The following PTX3 variants were observed in gnomAD, a reference collection of about 807,000 sequenced individuals.
PTX3 encodes pentraxin 3.
PTX3 carries 24 observed loss-of-function variants against 23.5 expected under a neutral mutation model. The observed-to-expected ratio is 1.02, with a 90% CI of 0.74 to 1.43. The LOEUF is 1.43. Among genes scored for constraint, PTX3 ranks in the 40% most tolerant of loss-of-function variants. The probability of loss-of-function intolerance (pLI) is 0.00; values close to 1 mark genes in which losing one functional copy is unlikely to be tolerated. For missense variants in PTX3, 510 were observed against 497.5 expected, an observed-to-expected ratio of 1.02 and a Z score of -0.24; for synonymous variants, 218 against 205.4, an observed-to-expected ratio of 1.06 and a Z score of -0.53.
At chr3:157,437,980 A>G in intron 2 of PTX3, 66 bp downstream of exon 2, 2 of 1,495,714 alleles carry the variant, frequency 1.3e-6, no homozygotes, top group Non-Finnish European at 1.8e-6. Context: ...CGTAACGGCA[A>G]GCCAAGCCAG....
At chr3:157,442,265 T>G in intron 2 of PTX3, 101 bp from the exon 3 acceptor site, 1 of 1,104,120 alleles carries the variant, frequency 9.1e-7, no homozygotes, top group Non-Finnish European at 1.3e-6. Flanking sequence ...TAGCTTTCAA[T>G]TGTAATAATT....
chr3:157,438,033 G>C, intron 2 of PTX3, 119 bp downstream of exon 2: 6 of 793,750 alleles, frequency 7.6e-6, no homozygotes, highest in Non-Finnish European at 1.1e-5. Context: ...GCGCGCGCGC[G>C]CGCGCACACA....
chr3:157,437,769 C>T lies in PTX3; in HGVS notation c.387C>T (p.Arg129=). The change falls in exon 2 of 3, where the codon CGC becomes CGT. Residue 129 remains arginine, a synonymous_variant. Coordinates refer to ENST00000295927, the MANE Select transcript of PTX3 (RefSeq NM_002852.4). ...ELLQATRDAG[R]RLARMEGAEA... ...TGCAGGCGACCCGCGACGCGGGCCG[C>T]AGGCTGGCGCGTATGGAGGGCGCGG... is the stretch of plus-strand genomic sequence containing the variant. The T allele has an allele frequency of 3.4e-6, 5 of 1,483,440 alleles. No homozygotes were observed. Among genetic ancestry groups the T allele is most frequent in the Non-Finnish European group, 4.4e-6 (5 of 1,127,552 alleles). The allele number at this position is 1,483,440 out of a possible 1,614,324, so 91.9% of individuals were successfully genotyped here. A position where few individuals can be genotyped will look rare whatever the true frequency, so the allele number is the denominator to read the frequency against.
rs1212757603 is a variant in PTX3, at chr3:157,443,621, G to T, written c.*642G>T. On this transcript the variant is annotated 3_prime_UTR_variant, in exon 3 of 3. Transcript: ENST00000295927. ...TCATTTAATTATAAATTTAAGAGAT[G>T]TTTTGGAGCAAACTCGTACTTTTCT... 1 of 152,406 alleles carries T rather than the reference G, an allele frequency of 6.6e-6. No individual in the cohort carries two copies. Among genetic ancestry groups the T allele is most frequent in the Non-Finnish European group, 1.5e-5 (1 of 68,024 alleles). 9.4% of individuals were successfully genotyped at this position (152,406 alleles called of 1,614,324 possible).
In PTX3 at chr3:157,436,958, T is replaced by C. The variant is rs1733633715; in HGVS notation, c.25T>C (p.Cys9Arg). 1 of 1,613,946 alleles carries C rather than the reference T, an allele frequency of 6.2e-7. No individual in the cohort carries two copies. Among genetic ancestry groups the C allele is most frequent in the Non-Finnish European group, 8.5e-7 (1 of 1,179,948 alleles). The change falls in exon 1 of 3, where the codon TGT (cysteine) becomes CGT (arginine). Residue 9 changes from cysteine to arginine, a missense_variant. Transcript: ENST00000295927. ...AATGCATCTCCTTGCGATTCTGTTT[T>C]GTGCTCTCTGGTCTGCAGTGTTGGC... MHLLAILFCALWSAVLAEN... is the reference protein window; with the variant it reads MHLLAILFRALWSAVLAEN...
chr3:157,438,086 T>G (rs1216951406), intron 2 of PTX3, among the ~76,000 whole-genome samples, 172 bp downstream of exon 2: 6 of 149,950 alleles, frequency 4.0e-5, no homozygotes. Context: ...TATTTCTGCA[T>G]GCGCGGTCAC....
chr3:157,437,842 G>T lies in PTX3; in HGVS notation c.460G>T (p.Glu154Ter). The T allele has an allele frequency of 6.7e-7, 1 of 1,496,454 alleles. No individual in the cohort carries two copies. Among genetic ancestry groups the T allele is most frequent in the South Asian group, 1.2e-5 (1 of 80,612 alleles). 92.7% of individuals were successfully genotyped at this position (1,496,454 alleles called of 1,614,324 possible). ...GGGGCGCGCCCTGGCCGCGGTGCTA[G>T]AGGAGCTGCGGCAGACGCGAGCCGA... ...EAGRALAAVL[E>*]ELRQTRADLH... Residue 154 changes from glutamate (E) to a stop codon, truncating the protein, a stop_gained, in exon 2 of 3, where the codon GAG becomes TAG. Coordinates refer to ENST00000295927, the MANE Select transcript of PTX3 (RefSeq NM_002852.4). LOFTEE classifies it high-confidence loss of function.
chr3:157,442,344 T>G, intron 2 of PTX3, 22 bp from the exon 3 acceptor site: 1 of 1,537,610 alleles, frequency 6.5e-7, no homozygotes, highest in Non-Finnish European at 8.9e-7. Flanking sequence ...TTAATATTCT[T>G]CTTATTTTCT....
chr3:157,441,461 T>C (rs761126508), intron 2 of PTX3, among the ~76,000 whole-genome samples: 9 of 152,144 alleles, frequency 5.9e-5, no homozygotes, highest in Non-Finnish European at 1.3e-4. Context: ...TCAAAGGTAG[T>C]TTTCTAAAAA....
chr3:157,440,291 A>G (rs534168258), intron 2 of PTX3, among the ~76,000 whole-genome samples: 3 of 152,350 alleles, frequency 2.0e-5, no homozygotes, highest in African/African-American at 7.2e-5. Flanking sequence ...AGTTACTTTT[A>G]TATGATTATC....
Position 157,437,442 on chromosome 3 carries a change from G to A in PTX3, c.131-71G>A. On this transcript the variant is annotated intron_variant, in intron 1 of 2. Transcript: ENST00000295927. The stretch of plus-strand genomic sequence containing the variant: ...CTGCAACTTGGCACCACCGAGGGAG[G>A]TCAGCTTTTACAAAGCACATCCAAG... 2.6e-6 allele frequency: 4 copies of A among 1,541,070 alleles called. No homozygotes were observed. In the South Asian group the frequency reaches 3.6e-5, roughly 14 times the overall value.
rs1340279030 is a variant in PTX3, at chr3:157,443,573, A to G, written c.*594A>G. On this transcript the variant is annotated 3_prime_UTR_variant, in exon 3 of 3. Transcript: ENST00000295927. ...TTTGTAAAGCTCTACTGTAAATAAAATATTTTATAAAACTAGCTCACGTCA... is the reference window on the plus strand; with the variant it reads ...TTTGTAAAGCTCTACTGTAAATAAAGTATTTTATAAAACTAGCTCACGTCA... 2 of 152,672 alleles carry G rather than the reference A, an allele frequency of 1.3e-5. No individual in the cohort carries two copies. The highest frequency in any genetic ancestry group is 2.4e-5 in the African/African-American group (1 of 41,476). 9.5% of individuals were successfully genotyped at this position (152,672 alleles called of 1,614,324 possible).
Position 157,436,913 on chromosome 3 carries a change from G to A in PTX3, c.-21G>A. The A allele has an allele frequency of 1.2e-6, 2 of 1,610,498 alleles. No individual in the cohort carries two copies. The highest frequency in any genetic ancestry group is 1.7e-6 in the Non-Finnish European group (2 of 1,177,788). ...AGTCTCCTCCCGCCAGCTGTGGAAA[G>A]AACTTTGCGTCTCTCCAGCAATGCA... On this transcript the variant is annotated 5_prime_UTR_variant, in exon 1 of 3. Coordinates refer to ENST00000295927, the MANE Select transcript of PTX3 (RefSeq NM_002852.4).
chr3:157,440,683 CAT>C (rs201474741), intron 2 of PTX3, among the ~76,000 whole-genome samples: 1 of 151,308 alleles, frequency 6.6e-6, no homozygotes, highest in Non-Finnish European at 1.5e-5. Flanking sequence ...CGTATACATA[CAT>C]ATATATATAT....
intron 1 of PTX3, 114 bp from the exon 2 acceptor site, chr3:157,437,399 G>A: frequency 7.8e-7 from 1 of 1,279,718 alleles, no homozygotes; most frequent in Non-Finnish European, 1.1e-6. Context: ...TAAAGGGAAG[G>A]GGAATGCCAG....
Position 157,443,386 on chromosome 3 carries a change from G to T in PTX3, c.*407G>T. 6.7e-6 allele frequency: 1 copy of T among 148,222 alleles called. No individual in the cohort carries two copies. The highest frequency in any genetic ancestry group is 1.4e-5 in the Non-Finnish European group (1 of 71,626). The allele number at this position is 148,222 out of a possible 1,614,324, so 9.2% of individuals were successfully genotyped here. On this transcript the variant is annotated 3_prime_UTR_variant, in exon 3 of 3. Transcript: ENST00000295927. ...TGTTGTCCATTGTTCATTGTTATTG[G>T]TATGTACCTTATTACAAAAAAAAGA... is the stretch of plus-strand genomic sequence containing the variant.
Position 157,442,658 on chromosome 3 carries a change from T to G in PTX3, c.825T>G (p.Asn275Lys), listed in dbSNP as rs1186234412. 1.9e-6 allele frequency: 3 copies of G among 1,614,220 alleles called. No individual in the cohort carries two copies. Among genetic ancestry groups the G allele is most frequent in the Non-Finnish European group, 2.5e-6 (3 of 1,180,042 alleles). ...GRWTHLCGTW[N>K]SEEGLTSLWV... is the part of the protein sequence containing the mutation. ...GGACCCACCTGTGCGGCACCTGGAA[T>G]TCAGAGGAAGGGCTCACATCCTTGT... Residue 275 changes from asparagine (N) to lysine (K), a missense_variant, in exon 3 of 3, where the codon AAT (asparagine) becomes AAG (lysine). Coordinates refer to ENST00000295927, the MANE Select transcript of PTX3 (RefSeq NM_002852.4).
At position 157,436,884 on chromosome 3, in the gene PTX3, TGA is replaced by T. The variant is rs756878566; in HGVS notation, c.-46_-45del. Reference sequence around the variant, plus strand: ...CTCCTCCGCTCAAACTCAGCTCACTTGAGAGTCTCCTCCCGCCAGCTGTGGAA... The same window carrying T: ...CTCCTCCGCTCAAACTCAGCTCACTTGAGTCTCCTCCCGCCAGCTGTGGAA... On this transcript the variant is annotated 5_prime_UTR_variant, in exon 1 of 3. Coordinates refer to ENST00000295927, the MANE Select transcript of PTX3 (RefSeq NM_002852.4). 1.8e-5 allele frequency: 28 copies of T among 1,595,260 alleles called. No individual in the cohort carries two copies. Among genetic ancestry groups the T allele is most frequent in the Non-Finnish European group, 2.3e-5 (27 of 1,168,088 alleles).
rs1373413001 is a variant in PTX3 at position 157,437,852 on chromosome 3, G to C, written c.470G>C (p.Arg157Pro). The part of the protein sequence containing the change: ...RALAAVLEEL[R>P]QTRADLHAVQ... The stretch of plus-strand genomic sequence containing the variant: ...CTGGCCGCGGTGCTAGAGGAGCTGC[G>C]GCAGACGCGAGCCGACCTGCACGCG... The change falls in exon 2 of 3, where the codon CGG becomes CCG. Residue 157 changes from arginine (R) to proline (P), a missense_variant. By Grantham distance (103) the Arg-to-Pro change is moderately radical (BLOSUM62 -2). Transcript: ENST00000295927. The C allele has an allele frequency of 2.0e-6, 3 of 1,497,850 alleles. No homozygotes were observed. Among genetic ancestry groups the C allele is most frequent in the Non-Finnish European group, 2.6e-6 (3 of 1,132,988 alleles). 92.8% of individuals were successfully genotyped at this position (1,497,850 alleles called of 1,614,324 possible).
Sources: gnomAD v4.1 joint callset for allele counts (sites outside exome capture counted in the v4.1 genomes callset) on GRCh38, gnomAD v4.1.1 for gene constraint, MANE v1.5 for transcripts, NCBI Gene and HGNC (gene_info 2026-07-23, HGNC 2026-07-21) for gene names.